ZSCAN5A: variants seen among roughly 807,000 people sequenced by gnomAD.
The protein encoded by ZSCAN5A is zinc finger and SCAN domain-containing protein 5A.
Under a neutral mutation model 23.7 loss-of-function variants are expected in ZSCAN5A, and 12 were observed. The observed-to-expected ratio is 0.51, with a 90% CI of 0.32 to 0.82. The LOEUF (loss-of-function observed/expected upper bound fraction) is 0.82. ZSCAN5A is among the 40% of genes least tolerant of loss of function. The probability of loss-of-function intolerance (pLI) is 0.03; values close to 1 mark genes in which losing one functional copy is unlikely to be tolerated. For synonymous variants in ZSCAN5A, 257 were observed against 239.9 expected (o/e 1.07, Z -0.66); for missense variants, 597 against 617.9 (o/e 0.97, Z 0.36).
At chr19:56,258,272 TAG>T (rs1244187032) in intron 2 of ZSCAN5A, among the ~76,000 whole-genome samples, 5 of 152,214 alleles carry the variant, frequency 3.3e-5, no homozygotes, top group African/African-American at 1.2e-4. Context: ...GGGCCACCAA[TAG>T]AGTCTTCCAT....
At chr19:56,246,918 A>G in intron 2 of ZSCAN5A, 1 of 1,604,480 alleles carries the variant, frequency 6.2e-7, no homozygotes, top group Non-Finnish European at 8.5e-7. Flanking sequence ...CCATTTCCCA[A>G]GAAGGGCCTC....
chr19:56,292,919 A>C (rs945731999), intron 2 of ZSCAN5A, among the ~76,000 whole-genome samples: 1 of 152,228 alleles, frequency 6.6e-6, no homozygotes, highest in African/African-American at 2.4e-5. Flanking sequence ...ATGGCTGAGC[A>C]ATACTCCATT....
intron 2 of ZSCAN5A, among the ~76,000 whole-genome samples, chr19:56,265,537 T>A (rs2037415194): frequency 6.6e-6 from 1 of 151,704 alleles, no homozygotes; most frequent in African/African-American, 2.4e-5. Context: ...CAAACAGAGC[T>A]GAACTTCTTG....
intron 2 of ZSCAN5A, among the ~76,000 whole-genome samples, chr19:56,289,441 A>G (rs999188547): frequency 1.2e-4 from 18 of 152,264 alleles, no homozygotes; most frequent in African/African-American, 4.3e-4. Flanking sequence ...TCTCTTCGGA[A>G]GACAGACGTA....
At chr19:56,270,332 C>T (rs1362257325) in intron 2 of ZSCAN5A, among the ~76,000 whole-genome samples, 3 of 152,026 alleles carry the variant, frequency 2.0e-5, no homozygotes, top group African/African-American at 7.2e-5. Context: ...GCAGGAGAAT[C>T]GTTTGAACCC....
intron 2 of ZSCAN5A, among the ~76,000 whole-genome samples, chr19:56,244,779 G>C (rs56165655): frequency 0.58 from 86,314 of 148,548 alleles, 26,719 homozygotes; most frequent in Non-Finnish European, 0.71. Flanking sequence ...ATGAAAGAAA[G>C]ACATTGGTGA....
chr19:56,228,759 C>T (rs1465762022), intron 2 of ZSCAN5A, among the ~76,000 whole-genome samples: 1 of 151,540 alleles, frequency 6.6e-6, no homozygotes, highest in African/African-American at 2.4e-5. Context: ...TAATTTTTTA[C>T]TGAAAAAAAG....
intron 2 of ZSCAN5A, among the ~76,000 whole-genome samples, chr19:56,252,994 C>G (rs1382777124): frequency 6.6e-6 from 1 of 152,230 alleles, no homozygotes; most frequent in Admixed American, 6.5e-5. Flanking sequence ...CCTCCCACCC[C>G]CTCTAGTGGC....
At chr19:56,304,188 C>T (rs1048907147) in intron 2 of ZSCAN5A, among the ~76,000 whole-genome samples, 4 of 152,278 alleles carry the variant, frequency 2.6e-5, no homozygotes, top group South Asian at 2.1e-4. Context: ...GACCAGCCAG[C>T]GCAGGGGACC....
At chr19:56,338,101 T>C (rs2041557994) in intron 2 of ZSCAN5A, among the ~76,000 whole-genome samples, 1 of 152,184 alleles carries the variant, frequency 6.6e-6, no homozygotes, top group African/African-American at 2.4e-5. Flanking sequence ...GCCCAGAATC[T>C]TCTTATTCAC....
rs757897977 is a variant in ZSCAN5A, at chr19:56,222,588, C to T, written c.739+3G>A. 3.7e-6 allele frequency: 6 copies of T among 1,613,910 alleles called. No homozygotes were observed. In the African/African-American group the frequency reaches 8.0e-5, roughly 22 times the overall value. Reference sequence around the variant, plus strand: ...CCCTGTGGATCCAAGTCTTCATACTCACTGGGACTCTTTGGAAGCTGAGGC... The same window carrying T: ...CCCTGTGGATCCAAGTCTTCATACTTACTGGGACTCTTTGGAAGCTGAGGC... On this transcript the variant is annotated splice_donor_region_variant and intron_variant, in intron 5 of 5. Transcript: ENST00000683990.
rs368375280 is a variant in ZSCAN5A, at chr19:56,221,529, T to C, written c.*46A>G. On this transcript the variant is annotated 3_prime_UTR_variant, in exon 6 of 6. Transcript: ENST00000683990. ...CATCTGATAACATTGATGAAAAATATCATTCACTTCTTCTTGGTGCAGAAG... is the reference window on the plus strand; with the variant it reads ...CATCTGATAACATTGATGAAAAATACCATTCACTTCTTCTTGGTGCAGAAG... 6.6e-7 allele frequency: 1 copy of C among 1,526,358 alleles called. No homozygotes were observed. The highest frequency in any genetic ancestry group is 8.8e-7 in the Non-Finnish European group (1 of 1,139,262). 94.6% of individuals were successfully genotyped at this position (1,526,358 alleles called of 1,614,324 possible). A position where few individuals can be genotyped will look rare whatever the true frequency, so the allele number is the denominator to read the frequency against.
intron 2 of ZSCAN5A, among the ~76,000 whole-genome samples, chr19:56,348,912 G>C (rs1230289512): frequency 1.3e-5 from 2 of 152,134 alleles, no homozygotes; most frequent in African/African-American, 4.8e-5. Flanking sequence ...GACTCTGTAA[G>C]AGAAATTAAA....
chr19:56,253,449 T>C (rs553760644), intron 2 of ZSCAN5A, among the ~76,000 whole-genome samples: 94 of 152,188 alleles, frequency 6.2e-4, no homozygotes, highest in South Asian at 1.5e-3. Context: ...CGCAGGATCA[T>C]AGAACTTGTA....
At chr19:56,272,070 A>C (rs2037889291) in intron 2 of ZSCAN5A, among the ~76,000 whole-genome samples, 1 of 152,250 alleles carries the variant, frequency 6.6e-6, no homozygotes. Flanking sequence ...TTATAGATCA[A>C]GAAAATGAAG....
chr19:56,253,267 CAAAAAA>C (rs60969244), intron 2 of ZSCAN5A, among the ~76,000 whole-genome samples: 15,819 of 109,136 alleles, frequency 0.14, 3,032 homozygotes, highest in African/African-American at 0.44. Flanking sequence ...GAGGCTGTCT[CAAAAAA>C]AAAAAAAAAA....
rs2035821753 is a variant in ZSCAN5A, at chr19:56,245,631, A to G, written c.-127-20458T>C. Among the ~76,000 whole-genome samples, 2 of 152,194 alleles carry G rather than the reference A, an allele frequency of 1.3e-5. 1 individual carries two copies. The highest frequency in any genetic ancestry group is 4.1e-4 in the South Asian group (2 of 4,826). On this transcript the variant is annotated intron_variant, in intron 2 of 5. Transcript: ENST00000683990. ...TCTCTCCACCATGAGAGCTTTTAGC[A>G]TGTAGGGTGGGGGGTCAGAAATGGT...
At chr19:56,281,869 C>G (rs534451494) in intron 2 of ZSCAN5A, among the ~76,000 whole-genome samples, 1 of 152,216 alleles carries the variant, frequency 6.6e-6, no homozygotes, top group African/African-American at 2.4e-5. Flanking sequence ...GCAGATTGCC[C>G]GGGGTGGGAA....
rs73937243 is a variant in ZSCAN5A at position 56,349,847 on chromosome 19, C to T, written c.-358+13388G>A. ...CTTTTTATTATTTCTAAACTTTCCT[C>T]TCAAAGTTCACTGCCAAATATTAGA... On this transcript the variant is annotated intron_variant, in intron 2 of 6. Transcript: ENST00000587340. Among the ~76,000 whole-genome samples the T allele has an allele frequency of 9.9e-3, 1,505 of 152,130 alleles. 28 individuals carry two copies. The highest frequency in any genetic ancestry group is 0.034 in the African/African-American group (1,421 of 41,522).
Sources: gnomAD v4.1 joint callset for allele counts (sites outside exome capture counted in the v4.1 genomes callset) on GRCh38, gnomAD v4.1.1 for gene constraint, MANE v1.5 for transcripts, NCBI Gene and HGNC (gene_info 2026-07-23, HGNC 2026-07-21) for gene names.